BTRC: variants seen among roughly 807,000 people sequenced by gnomAD.
The protein encoded by BTRC is beta-transducin repeat containing E3 ubiquitin protein ligase.
BTRC carries 42 observed loss-of-function variants against 85.5 expected under a neutral mutation model. The ratio of observed to expected loss-of-function variants is 0.49; its 90% CI spans 0.38 to 0.64. BTRC has a LOEUF of 0.64. Ranked by LOEUF, BTRC falls within the 30% of genes least tolerant of loss-of-function variation. The probability of loss-of-function intolerance (pLI) is 0.00; values close to 1 mark genes in which losing one functional copy is unlikely to be tolerated. For synonymous variants in BTRC, 255 were observed against 263.3 expected (o/e 0.97, Z 0.30); for missense variants, 594 against 743.5 (o/e 0.80, Z 2.34).
At position 101,532,935 on chromosome 10, in the gene BTRC, C is replaced by T; in HGVS notation, c.979-17C>T. 6.3e-7 allele frequency: 1 copy of T among 1,576,992 alleles called. No homozygotes were observed. Among genetic ancestry groups the T allele is most frequent in the Non-Finnish European group, 8.7e-7 (1 of 1,146,720 alleles). On this transcript the variant is annotated splice_polypyrimidine_tract_variant and intron_variant, in intron 8 of 14. Coordinates refer to ENST00000370187, the MANE Select transcript of BTRC (RefSeq NM_033637.4). ...CCATCATCACATTGATCAAAAGGAT[C>T]TTATTTGCCATCCTAGATCTGGGAT... is the stretch of plus-strand genomic sequence containing the variant.
At chr10:101,474,652 T>C (rs1015300154) in intron 3 of BTRC, among the ~76,000 whole-genome samples, 36 of 152,224 alleles carry the variant, frequency 2.4e-4, no homozygotes, top group African/African-American at 8.2e-4. Flanking sequence ...TGCCAGCCAC[T>C]ATGGCAGTTT....
chr10:101,442,536 A>C (rs923283993), intron 2 of BTRC, among the ~76,000 whole-genome samples: 1 of 152,128 alleles, frequency 6.6e-6, no homozygotes, highest in African/African-American at 2.4e-5. Context: ...AATGTGATAA[A>C]TTTCTGTATT....
rs58134876 is a variant in BTRC, at chr10:101,358,260, A to ATT, written c.48+4041_48+4042dup. On this transcript the variant is annotated intron_variant, in intron 1 of 14. Coordinates refer to ENST00000370187, the MANE Select transcript of BTRC (RefSeq NM_033637.4). Reference sequence around the variant, plus strand: ...ACAGGCACACACCACTATGCTGGCTATTTTTTTTTTCTTTTTTGTTTTTGT... The same window carrying ATT: ...ACAGGCACACACCACTATGCTGGCTATTTTTTTTTTTTCTTTTTTGTTTTTGT... Among the ~76,000 whole-genome samples the ATT allele has an allele frequency of 7.8e-4, 117 of 149,526 alleles. 2 individuals are homozygous for ATT. Among genetic ancestry groups the ATT allele is most frequent in the East Asian group, 4.7e-3 (24 of 5,122 alleles).
intron 1 of BTRC, among the ~76,000 whole-genome samples, chr10:101,360,617 C>A (rs536750659): frequency 6.6e-6 from 1 of 152,030 alleles, no homozygotes; most frequent in African/African-American, 2.4e-5. Flanking sequence ...GTGATCCGAC[C>A]GCCTCGGCCT....
In BTRC at chr10:101,379,106, G is replaced by C. The variant is rs192629715; in HGVS notation, c.48+24878G>C. ...AGTCAAATTAATTGAGAAGAATCCT[G>C]CTTTATCAAATTTTGCCTGTAATCA... On this transcript the variant is annotated intron_variant, in intron 1 of 14. Coordinates refer to ENST00000370187, the MANE Select transcript of BTRC (RefSeq NM_033637.4). Among the ~76,000 whole-genome samples the C allele has an allele frequency of 9.2e-5, 14 of 152,280 alleles. No individual in the cohort carries two copies. In the East Asian group the frequency reaches 2.5e-3, roughly 27 times the overall value.
intron 2 of BTRC, among the ~76,000 whole-genome samples, chr10:101,441,076 G>A (rs147929471): frequency 0.016 from 2,375 of 152,218 alleles, 29 homozygotes; most frequent in Middle Eastern, 0.027. Context: ...TGACTCAGTG[G>A]GGGAGTTTTC....
At chr10:101,526,983 A>G (rs1212400188) in intron 6 of BTRC, among the ~76,000 whole-genome samples, 4 of 152,202 alleles carry the variant, frequency 2.6e-5, no homozygotes, top group African/African-American at 9.7e-5. Context: ...TTTCATTAGA[A>G]CTTCTGAAAG....
intron 1 of BTRC, among the ~76,000 whole-genome samples, chr10:101,357,254 A>T (rs1942064033): frequency 6.6e-6 from 1 of 151,484 alleles, no homozygotes; most frequent in Admixed American, 6.6e-5. Flanking sequence ...CATCCTGGCC[A>T]ACATGGTGAA....
intron 13 of BTRC, among the ~76,000 whole-genome samples, chr10:101,545,320 G>C (rs1294186817): frequency 6.6e-6 from 1 of 151,924 alleles, no homozygotes; most frequent in East Asian, 1.9e-4. Flanking sequence ...GAAGAAGAAG[G>C]CTAAACTTAT....
At chr10:101,523,802 A>G (rs1589594746) in intron 5 of BTRC, among the ~76,000 whole-genome samples, 1 of 152,162 alleles carries the variant, frequency 6.6e-6, no homozygotes, top group South Asian at 2.1e-4. Flanking sequence ...GTTGTTGCAT[A>G]ATATTCTTCA....
At chr10:101,393,394 C>T (rs1490230154) in intron 1 of BTRC, among the ~76,000 whole-genome samples, 1 of 152,144 alleles carries the variant, frequency 6.6e-6, no homozygotes, top group Admixed American at 6.5e-5. Flanking sequence ...GTCAGAAGCT[C>T]CAGAGGCCCA....
chr10:101,550,926 T>A, intron 14 of BTRC, 35 bp downstream of exon 14: 1 of 1,516,624 alleles, frequency 6.6e-7, no homozygotes, highest in Non-Finnish European at 9.0e-7. Context: ...ACACTGTGGG[T>A]AGGAGACGGG....
intron 13 of BTRC, among the ~76,000 whole-genome samples, chr10:101,543,553 C>A (rs2062507877): frequency 6.8e-6 from 1 of 146,680 alleles, no homozygotes; most frequent in South Asian, 2.2e-4. Flanking sequence ...GGATTTAAAT[C>A]TATCATGTTG....
intron 4 of BTRC, among the ~76,000 whole-genome samples, chr10:101,504,032 T>A (rs558495319): frequency 8.5e-5 from 13 of 152,338 alleles, no homozygotes; most frequent in African/African-American, 3.1e-4. Flanking sequence ...ATGTTAGAAC[T>A]GAATTTTCTG....
At chr10:101,457,895 C>A (rs1031032474) in intron 2 of BTRC, among the ~76,000 whole-genome samples, 2 of 152,124 alleles carry the variant, frequency 1.3e-5, no homozygotes, top group African/African-American at 4.8e-5. Context: ...TCTCCTTACA[C>A]CCTTTCACAT....
intron 14 of BTRC, chr10:101,551,145 A>G (rs1201722295): frequency 5.8e-6 from 2 of 343,116 alleles, no homozygotes; most frequent in East Asian, 4.5e-5. Flanking sequence ...TGCCCTAGTT[A>G]TCTAGTAGTA....
intron 1 of BTRC, among the ~76,000 whole-genome samples, chr10:101,403,647 G>A: frequency 6.6e-6 from 1 of 152,168 alleles, no homozygotes; most frequent in African/African-American, 2.4e-5. Flanking sequence ...CCAGAGTGCA[G>A]TAGCATGATC....
chr10:101,403,016 C>A (rs1432292698), intron 1 of BTRC, among the ~76,000 whole-genome samples: 1 of 152,124 alleles, frequency 6.6e-6, no homozygotes, highest in East Asian at 1.9e-4. Flanking sequence ...TTTTTCTCTA[C>A]TAGATTATAA....
At chr10:101,498,649 C>T (rs570395346) in intron 4 of BTRC, among the ~76,000 whole-genome samples, 87 of 152,214 alleles carry the variant, frequency 5.7e-4, no homozygotes, top group African/African-American at 2.0e-3. Flanking sequence ...TTAGTGGGCA[C>T]GTCCTAATAC....
Sources: gnomAD v4.1 joint callset for allele counts (sites outside exome capture counted in the v4.1 genomes callset) on GRCh38, gnomAD v4.1.1 for gene constraint, MANE v1.5 for transcripts, NCBI Gene and HGNC (gene_info 2026-07-23, HGNC 2026-07-21) for gene names.